KLB: variants seen among roughly 807,000 people sequenced by gnomAD.
KLB encodes klotho beta.
In KLB, 44 loss-of-function variants were observed where a neutral mutation model predicts 88.4. That is an observed-to-expected ratio of 0.50 (90% CI 0.39 to 0.64). The LOEUF is 0.64. KLB is among the 30% of genes least tolerant of loss of function. KLB has a pLI of 0.00. For missense variants in KLB, 1,137 were observed against 1,304.8 expected (o/e 0.87, Z 1.98); for synonymous variants, 548 against 513.4 (o/e 1.07, Z -0.91).
At chr4:39,416,039 T>C (rs900254317) in intron 1 of KLB, among the ~76,000 whole-genome samples, 4 of 151,982 alleles carry the variant, frequency 2.6e-5, no homozygotes, top group Non-Finnish European at 5.9e-5. Context: ...ATTTTCAATT[T>C]AAGGAAGATC....
chr4:39,438,520 A>G (rs866471797), intron 3 of KLB, among the ~76,000 whole-genome samples: 27 of 152,032 alleles, frequency 1.8e-4, no homozygotes, highest in African/African-American at 6.5e-4. Flanking sequence ...CACTCCAGAA[A>G]CCATCCTCCT....
At chr4:39,412,394 GC>G (rs140329312) in intron 1 of KLB, among the ~76,000 whole-genome samples, 4 of 151,690 alleles carry the variant, frequency 2.6e-5, no homozygotes, top group Non-Finnish European at 5.9e-5. Context: ...TCCATTAGTG[GC>G]CCCCCCAAGC....
intron 2 of KLB, among the ~76,000 whole-genome samples, chr4:39,435,125 A>G (rs1253418056): frequency 6.9e-6 from 1 of 145,702 alleles, no homozygotes; most frequent in Admixed American, 7.0e-5. Context: ...TGTATTGTCC[A>G]ATATTTTTTT....
rs142440369 is a variant in KLB, at chr4:39,436,062, A to G, written c.1336+1342A>G. ...CCACTTAGCCCCTCACTCCTTCTCT[A>G]TTACTCAAGTAGTGACATCTACAGG... On this transcript the variant is annotated intron_variant, in intron 2 of 4. Coordinates refer to ENST00000257408, the MANE Select transcript of KLB (RefSeq NM_175737.4). Among the ~76,000 whole-genome samples the G allele has an allele frequency of 2.1e-3, 327 of 152,290 alleles. 3 individuals carry two copies. The highest frequency in any genetic ancestry group is 7.3e-3 in the African/African-American group (304 of 41,570).
chr4:39,407,199 A>C lies in KLB; in HGVS notation c.250A>C (p.Asn84His). ...GTTTCTCTATGACACTTTCCCTAAA[A>C]ACTTTTTCTGGGGTATTGGGACTGG... Reference protein sequence around the residue: ...QLFLYDTFPKNFFWGIGTGAL... With the variant: ...QLFLYDTFPKHFFWGIGTGAL... The change falls in exon 1 of 5, where the codon AAC (asparagine) becomes CAC (histidine). Residue 84 changes from asparagine to histidine, a missense_variant. Coordinates refer to ENST00000257408, the MANE Select transcript of KLB (RefSeq NM_175737.4). 6.2e-7 allele frequency: 1 copy of C among 1,614,112 alleles called. No homozygotes were observed. Among genetic ancestry groups the C allele is most frequent in the Non-Finnish European group, 8.5e-7 (1 of 1,180,006 alleles).
At chr4:39,439,442 T>C (rs936909540) in intron 3 of KLB, among the ~76,000 whole-genome samples, 6 of 128,670 alleles carry the variant, frequency 4.7e-5, no homozygotes, top group Middle Eastern at 3.6e-3. Flanking sequence ...TGCATTGTTT[T>C]TTGTTGCTGT....
intron 1 of KLB, among the ~76,000 whole-genome samples, chr4:39,408,899 C>T (rs1742782111): frequency 6.7e-6 from 1 of 149,530 alleles, no homozygotes; most frequent in African/African-American, 2.5e-5. Flanking sequence ...TAATGTGCTA[C>T]AAAAAGTAAT....
Position 39,407,352 on chromosome 4 carries a change from G to A in KLB, c.403G>A (p.Glu135Lys). The A allele has an allele frequency of 6.2e-7, 1 of 1,614,034 alleles. No homozygotes were observed. The highest frequency in any genetic ancestry group is 8.5e-7 in the Non-Finnish European group (1 of 1,180,000). ...NGSSDSYIFL[E>K]KDLSALDFIG... ...TTCCAGTGACAGTTATATTTTTCTG[G>A]AAAAAGACTTATCAGCCCTGGATTT... is the stretch of plus-strand genomic sequence containing the variant. The change falls in exon 1 of 5, where the codon GAA (glutamate) becomes AAA (lysine). Residue 135 changes from glutamate to lysine, a missense_variant. Transcript: ENST00000257408.
At chr4:39,430,705 A>C (rs1318569911) in intron 1 of KLB, among the ~76,000 whole-genome samples, 2 of 145,344 alleles carry the variant, frequency 1.4e-5, no homozygotes, top group Non-Finnish European at 1.5e-5. Flanking sequence ...GGTTCAAGTG[A>C]TTCTCCTGGC....
intron 1 of KLB, among the ~76,000 whole-genome samples, chr4:39,412,655 C>T (rs575572858): frequency 1.3e-5 from 2 of 152,236 alleles, no homozygotes; most frequent in East Asian, 1.9e-4. Context: ...ATTTAAGTGC[C>T]CCTTCTGCTG....
At position 39,450,446 on chromosome 4, in the gene KLB, A is replaced by G. The variant is rs2109849533; in HGVS notation, c.*1760A>G. The G allele has an allele frequency of 6.6e-6, 1 of 152,334 alleles. No individual in the cohort carries two copies. The highest frequency in any genetic ancestry group is 1.5e-5 in the Non-Finnish European group (1 of 68,030). 9.4% of individuals were successfully genotyped at this position (152,334 alleles called of 1,614,324 possible). On this transcript the variant is annotated 3_prime_UTR_variant, in exon 5 of 5. Coordinates refer to ENST00000257408, the MANE Select transcript of KLB (RefSeq NM_175737.4). ...CTGCTAATGAACAAGTTTCCAAAAT[A>G]CTGTAAAAATACAATTAGTCAATTT...
Position 39,448,720 on chromosome 4 carries a change from T to G in KLB, c.*34T>G. 6.4e-7 allele frequency: 1 copy of G among 1,566,074 alleles called. No homozygotes were observed. The highest frequency in any genetic ancestry group is 8.6e-7 in the Non-Finnish European group (1 of 1,160,652). ...GTCTGCATGATAGACAGTTTAAAAATTCATCCCAGTTCCATATGCTGGTAA... is the reference window on the plus strand; with the variant it reads ...GTCTGCATGATAGACAGTTTAAAAAGTCATCCCAGTTCCATATGCTGGTAA... On this transcript the variant is annotated 3_prime_UTR_variant, in exon 5 of 5. Coordinates refer to ENST00000257408, the MANE Select transcript of KLB (RefSeq NM_175737.4).
At chr4:39,440,099 C>T (rs903041894) in intron 3 of KLB, among the ~76,000 whole-genome samples, 5 of 151,776 alleles carry the variant, frequency 3.3e-5, no homozygotes, top group African/African-American at 9.7e-5. Flanking sequence ...CCACCATGCC[C>T]GCTTTTTGTT....
At chr4:39,440,809 C>T (rs952239130) in intron 3 of KLB, among the ~76,000 whole-genome samples, 2 of 152,144 alleles carry the variant, frequency 1.3e-5, no homozygotes, top group African/African-American at 2.4e-5. Context: ...CTGCCTGTCT[C>T]GGCCTCCCAA....
chr4:39,407,145 A>G lies in KLB; in HGVS notation c.196A>G (p.Asn66Asp). Residue 66 changes from asparagine to aspartate, a missense_variant, in exon 1 of 5, where the codon AAT (asparagine) becomes GAT (aspartate). Asn to Asp is a conservative substitution (Grantham distance 23). Transcript: ENST00000257408. ...DGRAIWSKNPNFTPVNESQLF... is the reference protein window; with the variant it reads ...DGRAIWSKNPDFTPVNESQLF... ...AAGAGCTATATGGTCTAAAAATCCTAATTTTACTCCGGTAAATGAAAGTCA... is the reference window on the plus strand; with the variant it reads ...AAGAGCTATATGGTCTAAAAATCCTGATTTTACTCCGGTAAATGAAAGTCA... 1 of 1,614,128 alleles carries G rather than the reference A, an allele frequency of 6.2e-7. No homozygotes were observed. The highest frequency in any genetic ancestry group is 8.5e-7 in the Non-Finnish European group (1 of 1,180,014).
chr4:39,450,141 T>G lies in KLB; in HGVS notation c.*1455T>G, dbSNP rs987503313. ...AATTACTAGATCTGACTTGGATAAT[T>G]TGACACTTTGGGAAATGAACTCTGT... On this transcript the variant is annotated 3_prime_UTR_variant, in exon 5 of 5. Coordinates refer to ENST00000257408, the MANE Select transcript of KLB (RefSeq NM_175737.4). 1 of 152,190 alleles carries G rather than the reference T, an allele frequency of 6.6e-6. No individual in the cohort carries two copies. The highest frequency in any genetic ancestry group is 1.5e-5 in the Non-Finnish European group (1 of 68,034). The allele number at this position is 152,190 out of a possible 1,614,324, so 9.4% of individuals were successfully genotyped here.
At chr4:39,426,931 C>T (rs1322038578) in intron 1 of KLB, among the ~76,000 whole-genome samples, 1 of 152,102 alleles carries the variant, frequency 6.6e-6, no homozygotes, top group Non-Finnish European at 1.5e-5. Flanking sequence ...TCAAGTGATC[C>T]TCCCACCTCA....
chr4:39,415,619 T>C (rs1470159328), intron 1 of KLB, among the ~76,000 whole-genome samples: 3 of 152,236 alleles, frequency 2.0e-5, no homozygotes, highest in Non-Finnish European at 4.4e-5. Context: ...CCCAAATTTA[T>C]GTGCATGTGT....
At chr4:39,429,004 C>T (rs975214494) in intron 1 of KLB, among the ~76,000 whole-genome samples, 2 of 152,174 alleles carry the variant, frequency 1.3e-5, no homozygotes, top group Non-Finnish European at 1.5e-5. Context: ...CCATGGCACC[C>T]GGTCTTAAAG....
Sources: allele counts gnomAD v4.1 joint callset (sites outside exome capture counted in the v4.1 genomes callset), GRCh38; gene constraint gnomAD v4.1.1; transcripts MANE v1.5; gene names NCBI Gene and HGNC (gene_info 2026-07-23, HGNC 2026-07-21).